The following PDE8B variants were observed in gnomAD, a reference collection of about 807,000 sequenced individuals.
The protein encoded by PDE8B is high affinity cAMP-specific and IBMX-insensitive 3',5'-cyclic phosphodiesterase 8B.
Under a neutral mutation model 101.3 loss-of-function variants are expected in PDE8B, and 26 were observed. The ratio of observed to expected loss-of-function variants is 0.26; its 90% CI spans 0.19 to 0.36. The LOEUF is 0.36. Ranked by LOEUF, PDE8B falls within the 10% of genes least tolerant of loss-of-function variation. The pLI is 1.00. For synonymous variants in PDE8B, 424 were observed against 429.3 expected, an observed-to-expected ratio of 0.99 and a Z score of 0.15; for missense variants, 810 against 1,163.1, an observed-to-expected ratio of 0.70 and a Z score of 4.42.
rs1259083219 is a variant in PDE8B, at chr5:77,259,082, CCCA to C, written c.339+47820_339+47822del. Among the ~76,000 whole-genome samples the C allele has an allele frequency of 3.7e-4, 32 of 87,486 alleles. 4 individuals are homozygous for C. Among genetic ancestry groups the C allele is most frequent in the Admixed American group, 1.5e-3 (14 of 9,616 alleles). 57.4% of individuals were successfully genotyped at this position (87,486 alleles called of 152,430 possible). On this transcript the variant is annotated intron_variant, in intron 1 of 21. Transcript: ENST00000264917. ...CACACACACACACCCCCGCCCCCCCCCCACACACACACACGAATGTTTCTGCCT... is the reference window on the plus strand; with the variant it reads ...CACACACACACACCCCCGCCCCCCCCCACACACACACGAATGTTTCTGCCT...
intron 1 of PDE8B, among the ~76,000 whole-genome samples, chr5:77,254,321 A>C (rs1758673156): frequency 6.6e-6 from 1 of 152,206 alleles, no homozygotes; most frequent in Non-Finnish European, 1.5e-5. Context: ...AACTGCCTCA[A>C]AAGTAGACAA....
At chr5:77,229,675 A>G (rs557909792) in intron 1 of PDE8B, among the ~76,000 whole-genome samples, 2 of 152,096 alleles carry the variant, frequency 1.3e-5, no homozygotes, top group African/African-American at 2.4e-5. Context: ...GACATTTCCT[A>G]TAGATGGACT....
the PDE8B span, among the ~76,000 whole-genome samples, chr5:77,162,712 C>G: frequency 2.0e-5 from 3 of 152,072 alleles, no homozygotes; most frequent in African/African-American, 7.2e-5. Flanking sequence ...TGAGAGAATG[C>G]AGAAATAGTG....
At chr5:77,136,740 A>C in the PDE8B span, among the ~76,000 whole-genome samples, 1 of 152,210 alleles carries the variant, frequency 6.6e-6, no homozygotes, top group African/African-American at 2.4e-5. Context: ...GTATAAGCCT[A>C]GCTGCTGGCA....
At chr5:77,317,671 A>C (rs1774057547) in intron 2 of PDE8B, among the ~76,000 whole-genome samples, 1 of 152,160 alleles carries the variant, frequency 6.6e-6, no homozygotes, top group South Asian at 2.1e-4. Flanking sequence ...CTGTCTGAAA[A>C]ATCAAGTGGC....
At chr5:77,419,960 A>G in intron 19 of PDE8B, 73 bp downstream of exon 19, 1 of 1,540,468 alleles carries the variant, frequency 6.5e-7, no homozygotes. Context: ...GCCCTGAAGC[A>G]TTTTCTCTCC....
At chr5:77,182,046 T>TG in the PDE8B span, among the ~76,000 whole-genome samples, 1 of 135,258 alleles carries the variant, frequency 7.4e-6, no homozygotes, top group African/African-American at 3.1e-5. Context: ...AGAGCATGGA[T>TG]TGGAGGCCAG....
intron 19 of PDE8B, among the ~76,000 whole-genome samples, chr5:77,420,629 CA>C (rs1341684497): frequency 6.6e-6 from 1 of 152,074 alleles, no homozygotes; most frequent in Non-Finnish European, 1.5e-5. Context: ...ATCCCATGAC[CA>C]GTCTGGATGG....
intron 1 of PDE8B, among the ~76,000 whole-genome samples, chr5:77,261,873 T>C (rs1169200535): frequency 6.6e-6 from 1 of 152,228 alleles, no homozygotes; most frequent in Non-Finnish European, 1.5e-5. Context: ...TTCAGAGAAG[T>C]GCCTTGCGTT....
At chr5:77,270,524 T>C (rs1213790078) in intron 1 of PDE8B, among the ~76,000 whole-genome samples, 1 of 152,252 alleles carries the variant, frequency 6.6e-6, no homozygotes, top group African/African-American at 2.4e-5. Flanking sequence ...CTCTGCTTTG[T>C]GCCCTTAGCA....
intron 1 of PDE8B, among the ~76,000 whole-genome samples, chr5:77,283,913 T>A (rs1475284425): frequency 6.6e-6 from 1 of 152,214 alleles, no homozygotes; most frequent in Non-Finnish European, 1.5e-5. Context: ...AAACCAAGTC[T>A]TCCAAAGTGA....
intron 1 of PDE8B, among the ~76,000 whole-genome samples, chr5:77,241,345 G>T (rs940517549): frequency 2.6e-5 from 4 of 152,182 alleles, no homozygotes; most frequent in Non-Finnish European, 5.9e-5. Flanking sequence ...TGTTTAATGT[G>T]AACTCAGATA....
intron 10 of PDE8B, among the ~76,000 whole-genome samples, chr5:77,383,878 C>T (rs547653757): frequency 1.3e-4 from 20 of 152,272 alleles, no homozygotes; most frequent in African/African-American, 4.1e-4. Context: ...GTTTTGGTTA[C>T]TGTAGCCTTG....
Position 77,211,169 on chromosome 5 carries a change from T to TCCGCAGCCCCCGCCGCGACCA in PDE8B, c.247_267dup (p.Ala83_Thr89dup). 1 of 1,533,434 alleles carries TCCGCAGCCCCCGCCGCGACCA rather than the reference T, an allele frequency of 6.5e-7. No individual in the cohort carries two copies. Among genetic ancestry groups the TCCGCAGCCCCCGCCGCGACCA allele is most frequent in the Non-Finnish European group, 8.7e-7 (1 of 1,146,800 alleles). 95.0% of individuals were successfully genotyped at this position (1,533,434 alleles called of 1,614,324 possible). On this transcript the variant is annotated inframe_insertion, in exon 1 of 22. Coordinates refer to ENST00000264917, the MANE Select transcript of PDE8B (RefSeq NM_003719.5). This position sits in a 1 kb window ranked among gnomAD's most constrained non-coding sequence, Gnocchi z 4.1. ...GCTGGGCAGCGGTAGCAGCGCGGGT[T>TCCGCAGCCCCCGCCGCGACCA]CCGCAGCCCCCGCCGCGACCACCAG...
chr5:77,386,580 T>A (rs2150865525), intron 10 of PDE8B, among the ~76,000 whole-genome samples: 1 of 152,330 alleles, frequency 6.6e-6, no homozygotes, highest in South Asian at 2.1e-4. Context: ...GTCTGTTTTA[T>A]CAGAGACTAG....
intron 1 of PDE8B, chr5:77,291,938 A>G (rs1188354437): frequency 3.9e-6 from 3 of 760,212 alleles, no homozygotes; most frequent in African/African-American, 1.7e-5. Context: ...TATGACCCCA[A>G]AGCCCTGATT....
chr5:77,283,975 A>G (rs557875293), intron 1 of PDE8B, among the ~76,000 whole-genome samples: 58 of 152,344 alleles, frequency 3.8e-4, no homozygotes, highest in African/African-American at 1.3e-3. Flanking sequence ...CTGATGCTCC[A>G]TGTCCTTCCC....
At chr5:77,367,324 A>C (rs1230586875) in intron 10 of PDE8B, among the ~76,000 whole-genome samples, 2 of 152,084 alleles carry the variant, frequency 1.3e-5, no homozygotes, top group African/African-American at 4.8e-5. Flanking sequence ...CTCTTGATTC[A>C]GTGGTGGAGA....
chr5:77,242,102 C>G (rs1755882654), intron 1 of PDE8B, among the ~76,000 whole-genome samples: 1 of 152,186 alleles, frequency 6.6e-6, no homozygotes, highest in African/African-American at 2.4e-5. Context: ...AATTATAAAA[C>G]CTGGCGAGAA....
Sources: gnomAD v4.1 joint callset for allele counts (sites outside exome capture counted in the v4.1 genomes callset) on GRCh38, gnomAD v4.1.1 for gene constraint, Gnocchi (gnomAD v3.1) non-coding constraint, MANE v1.5 for transcripts, NCBI Gene and HGNC (gene_info 2026-07-23, HGNC 2026-07-21) for gene names.